The following KLHL29 variants were observed in gnomAD, a reference collection of about 807,000 sequenced individuals.
KLHL29 encodes the protein kelch-like protein 29.
KLHL29 carries 21 observed loss-of-function variants against 80.4 expected under a neutral mutation model. The ratio of observed to expected loss-of-function variants is 0.26; its 90% CI spans 0.19 to 0.38. The LOEUF (loss-of-function observed/expected upper bound fraction) is 0.38. Ranked by LOEUF, KLHL29 falls within the 10% of genes least tolerant of loss-of-function variation. The pLI, the probability that KLHL29 is intolerant of heterozygous loss-of-function variation, is 1.00. For missense variants in KLHL29, 867 were observed against 1,223.9 expected (o/e 0.71, Z 4.35); for synonymous variants, 511 against 526.8 (o/e 0.97, Z 0.41).
At chr2:23,529,866 C>T (rs896373601) in intron 2 of KLHL29, among the ~76,000 whole-genome samples, 1 of 152,166 alleles carries the variant, frequency 6.6e-6, no homozygotes, top group Non-Finnish European at 1.5e-5. Context: ...CAAAGGCTTG[C>T]CCGTTGCAGT....
intron 5 of KLHL29, among the ~76,000 whole-genome samples, chr2:23,670,917 GCTCT>G (rs1553353334): frequency 0.011 from 199 of 18,564 alleles, 71 homozygotes; most frequent in South Asian, 0.025. Flanking sequence ...ACATGCACGC[GCTCT>G]CTCTCTCTCT....
chr2:23,421,805 C>T (rs1013001497), intron 1 of KLHL29, among the ~76,000 whole-genome samples: 1 of 147,926 alleles, frequency 6.8e-6, no homozygotes, highest in African/African-American at 2.5e-5. Context: ...TGTGTGTGTC[C>T]ATTTGTCTGT....
chr2:23,597,808 C>T (rs993879581), intron 3 of KLHL29, among the ~76,000 whole-genome samples: 11 of 152,200 alleles, frequency 7.2e-5, no homozygotes, highest in African/African-American at 2.6e-4. Flanking sequence ...AGATGGGGAG[C>T]TCTTGTAGGT....
intron 3 of KLHL29, among the ~76,000 whole-genome samples, chr2:23,576,029 G>A (rs1481856866): frequency 2.0e-5 from 3 of 152,234 alleles, no homozygotes; most frequent in Non-Finnish European, 4.4e-5. Context: ...GGGGGGCCGC[G>A]CCCAGTGGCT....
intron 1 of KLHL29, among the ~76,000 whole-genome samples, chr2:23,443,557 C>T (rs911486183): frequency 2.0e-5 from 3 of 152,232 alleles, no homozygotes; most frequent in Admixed American, 1.3e-4. Flanking sequence ...GAATGTCCCA[C>T]ATAGTACATT....
At position 23,682,500 on chromosome 2, in the gene KLHL29, G is replaced by A. The variant is rs1178628717; in HGVS notation, c.941-1899G>A. Among the ~76,000 whole-genome samples, 1 of 152,200 alleles carries A rather than the reference G, an allele frequency of 6.6e-6. No homozygotes were observed. The highest frequency in any genetic ancestry group is 1.5e-5 in the Non-Finnish European group (1 of 68,036). ...CTGTGTGGATTTGTCTGAAACCCAA[G>A]TCTAACCTTGCCACTTCCTGTCCAG... is the stretch of plus-strand genomic sequence containing the variant. On this transcript the variant is annotated intron_variant, in intron 5 of 13. Coordinates refer to ENST00000486442, the MANE Select transcript of KLHL29 (RefSeq NM_052920.2). The surrounding 1 kb of genome is among the most constrained non-coding windows in gnomAD (Gnocchi z 4.1).
intron 1 of KLHL29, among the ~76,000 whole-genome samples, chr2:23,391,082 C>T (rs1047879921): frequency 1.3e-5 from 2 of 152,204 alleles, no homozygotes; most frequent in African/African-American, 4.8e-5. Context: ...CCCCTGGCAT[C>T]CGCCATTCTA....
At chr2:23,650,586 A>G (rs569334981) in intron 5 of KLHL29, among the ~76,000 whole-genome samples, 1 of 152,280 alleles carries the variant, frequency 6.6e-6, no homozygotes, top group Admixed American at 6.5e-5. Flanking sequence ...CTGAGGCCAT[A>G]CTGGTCTTGC....
intron 11 of KLHL29, among the ~76,000 whole-genome samples, chr2:23,701,593 G>C (rs1295033036): frequency 1.3e-5 from 2 of 152,038 alleles, no homozygotes; most frequent in African/African-American, 4.8e-5. Context: ...CACACCTGTA[G>C]TCCCAGCTAC....
intron 5 of KLHL29, among the ~76,000 whole-genome samples, chr2:23,656,659 G>A (rs1572471285): frequency 6.6e-6 from 1 of 152,170 alleles, no homozygotes; most frequent in Non-Finnish European, 1.5e-5. Context: ...TGTGATGCCC[G>A]CTTAAGACTC....
At chr2:23,437,987 G>A (rs1663395575) in intron 1 of KLHL29, among the ~76,000 whole-genome samples, 1 of 151,788 alleles carries the variant, frequency 6.6e-6, no homozygotes, top group Non-Finnish European at 1.5e-5. Flanking sequence ...TTATTTCATT[G>A]AGCAGTGGTT....
At chr2:23,409,588 TC>T (rs1263881219) in intron 1 of KLHL29, among the ~76,000 whole-genome samples, 11 of 152,328 alleles carry the variant, frequency 7.2e-5, no homozygotes, top group Non-Finnish European at 1.5e-4. Flanking sequence ...TGTAACTATC[TC>T]CTATGAAGCC....
chr2:23,656,295 G>T (rs1670242938), intron 5 of KLHL29, among the ~76,000 whole-genome samples: 1 of 152,192 alleles, frequency 6.6e-6, no homozygotes, highest in South Asian at 2.1e-4. Flanking sequence ...CGGAGGAGGT[G>T]GGCTGTGCGC....
At chr2:23,686,817 A>G (rs1292373938) in intron 6 of KLHL29, among the ~76,000 whole-genome samples, 1 of 152,114 alleles carries the variant, frequency 6.6e-6, no homozygotes, top group Non-Finnish European at 1.5e-5. Flanking sequence ...AGCATACAGT[A>G]AGGTCACACA....
chr2:23,584,463 G>A (rs749769371), intron 3 of KLHL29, among the ~76,000 whole-genome samples: 2 of 152,188 alleles, frequency 1.3e-5, no homozygotes, highest in Non-Finnish European at 1.5e-5. Flanking sequence ...TCTGCCCAGC[G>A]GTGTTCATGC....
chr2:23,525,726 G>GCCCCCCCCC (rs746729913), intron 2 of KLHL29, among the ~76,000 whole-genome samples: 2 of 62,590 alleles, frequency 3.2e-5, no homozygotes, highest in African/African-American at 1.7e-4. Context: ...CCCAGCCCCT[G>GCCCCCCCCC]CCCCCCCCCC....
At chr2:23,654,253 G>A (rs1670170854) in intron 5 of KLHL29, among the ~76,000 whole-genome samples, 2 of 152,022 alleles carry the variant, frequency 1.3e-5, no homozygotes, top group Admixed American at 6.6e-5. Context: ...CTCCAGTGGA[G>A]TCCAGAGCAC....
chr2:23,694,596 C>G (rs985532588), intron 8 of KLHL29, among the ~76,000 whole-genome samples: 2 of 152,158 alleles, frequency 1.3e-5, no homozygotes, highest in African/African-American at 4.8e-5. Context: ...CCTCCCCAGC[C>G]TCTCTCCTCT....
rs931448202 is a variant in KLHL29 at position 23,693,315 on chromosome 2, C to T, written c.1329C>T (p.Ala443=). The T allele has an allele frequency of 3.2e-6, 5 of 1,549,766 alleles. No homozygotes were observed. The highest frequency in any genetic ancestry group is 4.9e-5 in the East Asian group (2 of 40,840). ...ASNCLGVLAM[A]EAMQCSELYH... is the part of the protein sequence containing the mutation. ...ACTGCCTGGGCGTGCTGGCCATGGC[C>T]GAGGCCATGCAGTGCAGCGAGCTCT... Residue 443 remains alanine (A), a synonymous_variant, in exon 8 of 14, where the codon GCC becomes GCT. Coordinates refer to ENST00000486442, the MANE Select transcript of KLHL29 (RefSeq NM_052920.2).
Sources: gnomAD v4.1 joint callset for allele counts (sites outside exome capture counted in the v4.1 genomes callset) on GRCh38, gnomAD v4.1.1 for gene constraint, Gnocchi (gnomAD v3.1) non-coding constraint, MANE v1.5 for transcripts, NCBI Gene and HGNC (gene_info 2026-07-23, HGNC 2026-07-21) for gene names.